Variants in TOLLIP observed in about 807,000 individuals in gnomAD.
TOLLIP encodes toll interacting protein, also known as toll-interacting protein.
A neutral mutation model predicts 33.5 loss-of-function variants in TOLLIP; 16 were observed. The observed-to-expected ratio is 0.48, with a 90% CI of 0.32 to 0.72. TOLLIP has a LOEUF of 0.72. TOLLIP is among the 30% of genes least tolerant of loss of function. The pLI is 0.03. For synonymous variants in TOLLIP, 176 were observed against 163.7 expected, an observed-to-expected ratio of 1.07 and a Z score of -0.57; for missense variants, 325 against 396.6, an observed-to-expected ratio of 0.82 and a Z score of 1.53.
intron 5 of TOLLIP, chr11:1,283,194 C>T (rs1863561871): frequency 9.9e-6 from 2 of 202,348 alleles, no homozygotes; most frequent in African/African-American, 2.3e-5. Flanking sequence ...GGGTAAAATG[C>T]GGGGGCCCTG....
chr11:1,293,592 C>G (rs962978230), intron 2 of TOLLIP, among the ~76,000 whole-genome samples: 2 of 152,266 alleles, frequency 1.3e-5, no homozygotes, highest in Non-Finnish European at 2.9e-5. Context: ...ATGTTTCCCA[C>G]CACTGGAGCT....
chr11:1,281,938 GACTTCGCC>G (rs1863514171), intron 5 of TOLLIP, among the ~76,000 whole-genome samples: 1 of 152,260 alleles, frequency 6.6e-6, no homozygotes, highest in Admixed American at 6.5e-5. Flanking sequence ...GGTCTCCGCA[GACTTCGCC>G]CTTCAGCTGG....
intron 4 of TOLLIP, among the ~76,000 whole-genome samples, chr11:1,286,546 C>T (rs1040778506): frequency 1.3e-5 from 2 of 152,146 alleles, no homozygotes; most frequent in Non-Finnish European, 2.9e-5. Context: ...GAGTTCAAAA[C>T]TGTCAACTGC....
intron 5 of TOLLIP, among the ~76,000 whole-genome samples, chr11:1,279,190 G>T (rs934342005): frequency 6.6e-6 from 1 of 152,226 alleles, no homozygotes; most frequent in African/African-American, 2.4e-5. Flanking sequence ...GAGGGGATGT[G>T]GCGCCGACTG....
At position 1,274,895 on chromosome 11, in the gene TOLLIP, T is replaced by A. The variant is rs1416925174; in HGVS notation, c.*2144A>T. ...GGGAGGGTGGGGGTTGTGAACCAGC[T>A]AATTCTGGGGACCGCTCGGAGGGGC... is the stretch of plus-strand genomic sequence containing the variant. On this transcript the variant is annotated 3_prime_UTR_variant, in exon 6 of 6. Transcript: ENST00000317204. 3 of 152,254 alleles carry A rather than the reference T, an allele frequency of 2.0e-5. No homozygotes were observed. The highest frequency in any genetic ancestry group is 7.2e-5 in the African/African-American group (3 of 41,550). 9.4% of individuals were successfully genotyped at this position (152,254 alleles called of 1,614,324 possible). A position where few individuals can be genotyped will look rare whatever the true frequency, so the allele number is the denominator to read the frequency against.
At position 1,309,467 on chromosome 11, in the gene TOLLIP, G is replaced by A. The variant is rs1316668634; in HGVS notation, c.32C>T (p.Pro11Leu). Residue 11 changes from proline to leucine, a missense_variant and splice_region_variant, in exon 1 of 6, where the codon CCG (proline) becomes CTG (leucine). Coordinates refer to ENST00000317204, the MANE Select transcript of TOLLIP (RefSeq NM_019009.4). ...CCGACCCTCGCCCGGCTGCCTCACCGGCCCGCGCTGAGTGCTGACGGTGGT... is the reference window on the plus strand; with the variant it reads ...CCGACCCTCGCCCGGCTGCCTCACCAGCCCGCGCTGAGTGCTGACGGTGGT... Reference protein sequence around the residue: MATTVSTQRGPVYIGELPQDF... With the variant: MATTVSTQRGLVYIGELPQDF... 4 of 1,329,568 alleles carry A rather than the reference G, an allele frequency of 3.0e-6. No individual in the cohort carries two copies. Among genetic ancestry groups the A allele is most frequent in the Non-Finnish European group, 3.9e-6 (4 of 1,034,330 alleles). The allele number at this position is 1,329,568 out of a possible 1,614,324, so 82.4% of individuals were successfully genotyped here.
At chr11:1,302,867 C>A in intron 1 of TOLLIP, 1 of 878,586 alleles carries the variant, frequency 1.1e-6, no homozygotes, top group Non-Finnish European at 1.4e-6. Flanking sequence ...TCCCAGGAGC[C>A]CTCGCTGAGC....
At chr11:1,291,984 T>A (rs1416680282) in intron 2 of TOLLIP, 1 of 152,434 alleles carries the variant, frequency 6.6e-6, no homozygotes, top group Admixed American at 6.5e-5. Context: ...ACAAGTTCCC[T>A]CCTTTCACTT....
chr11:1,302,706 A>C, intron 1 of TOLLIP: 1 of 985,998 alleles, frequency 1.0e-6, no homozygotes, highest in Non-Finnish European at 1.2e-6. Flanking sequence ...GTCTCCTGGC[A>C]CTGGCATGTT....
intron 1 of TOLLIP, among the ~76,000 whole-genome samples, chr11:1,300,883 C>T (rs574489275): frequency 4.6e-5 from 7 of 152,360 alleles, no homozygotes; most frequent in Non-Finnish European, 1.0e-4. Flanking sequence ...CCTGCGGAGC[C>T]TTTTTAAACC....
At chr11:1,282,756 T>C (rs949755507) in intron 5 of TOLLIP, among the ~76,000 whole-genome samples, 20 of 151,696 alleles carry the variant, frequency 1.3e-4, no homozygotes, top group Admixed American at 7.2e-4. Context: ...GTTGTGCACA[T>C]GTACCCTAAA....
At chr11:1,280,302 C>T (rs912129917) in intron 5 of TOLLIP, among the ~76,000 whole-genome samples, 4 of 152,232 alleles carry the variant, frequency 2.6e-5, no homozygotes, top group Non-Finnish European at 4.4e-5. Flanking sequence ...ACGCCGGCTG[C>T]TCCCGTGCAT....
intron 1 of TOLLIP, among the ~76,000 whole-genome samples, chr11:1,296,122 C>T (rs1025272932): frequency 6.6e-6 from 1 of 152,232 alleles, no homozygotes; most frequent in Non-Finnish European, 1.5e-5. Flanking sequence ...ACCATGTGTG[C>T]CCACGGCTTC....
Position 1,290,541 on chromosome 11 carries a change from G to A in TOLLIP, c.184-132C>T, listed in dbSNP as rs1047007023. On this transcript the variant is annotated intron_variant, in intron 2 of 5. Coordinates refer to ENST00000317204, the MANE Select transcript of TOLLIP (RefSeq NM_019009.4). This position sits in a 1 kb window ranked among gnomAD's most constrained non-coding sequence, Gnocchi z 4.9. ...ACATAGACTACAGCCACTCAGAGTC[G>A]CCTGAACACGGCTGTGACCTGCTTC... The A allele has an allele frequency of 1.8e-5, 14 of 776,150 alleles. No individual in the cohort carries two copies. The highest frequency in any genetic ancestry group is 1.3e-4 in the East Asian group (5 of 37,122). The allele number at this position is 776,150 out of a possible 1,614,324, so 48.1% of individuals were successfully genotyped here.
Position 1,290,661 on chromosome 11 carries a change from C to T in TOLLIP, c.184-252G>A, listed in dbSNP as rs1033601799. On this transcript the variant is annotated intron_variant, in intron 2 of 5. Coordinates refer to ENST00000317204, the MANE Select transcript of TOLLIP (RefSeq NM_019009.4). This position sits in a 1 kb window ranked among gnomAD's most constrained non-coding sequence, Gnocchi z 4.9. ...CGTCCTTGACAGCAGAAACCTACGACGCTCACAGACACAGCTGAGGCCGCC... is the reference window on the plus strand; with the variant it reads ...CGTCCTTGACAGCAGAAACCTACGATGCTCACAGACACAGCTGAGGCCGCC... Among the ~76,000 whole-genome samples, 2 of 152,134 alleles carry T rather than the reference C, an allele frequency of 1.3e-5. No homozygotes were observed. Among genetic ancestry groups the T allele is most frequent in the Non-Finnish European group, 2.9e-5 (2 of 68,022 alleles).
intron 3 of TOLLIP, among the ~76,000 whole-genome samples, chr11:1,289,507 C>T (rs867123240): frequency 3.9e-5 from 6 of 152,246 alleles, no homozygotes; most frequent in Non-Finnish European, 8.8e-5. Flanking sequence ...CCTCAAGGGT[C>T]ACGACCATTC....
At chr11:1,292,569 G>A (rs928467311) in intron 2 of TOLLIP, among the ~76,000 whole-genome samples, 1 of 152,232 alleles carries the variant, frequency 6.6e-6, no homozygotes. Flanking sequence ...CAACTGCTCT[G>A]CTGAAGTGAC....
At chr11:1,285,091 C>T (rs920783536) in intron 5 of TOLLIP, among the ~76,000 whole-genome samples, 4 of 152,170 alleles carry the variant, frequency 2.6e-5, no homozygotes, top group African/African-American at 9.7e-5. Flanking sequence ...AACCCCAAAG[C>T]AGCCCCTGAG....
At chr11:1,295,442 T>G in intron 2 of TOLLIP, 1 of 579,422 alleles carries the variant, frequency 1.7e-6, no homozygotes, top group Admixed American at 3.2e-5. Flanking sequence ...ACTCATCACT[T>G]GAGTTATGTT....
Sources: allele counts gnomAD v4.1 joint callset (sites outside exome capture counted in the v4.1 genomes callset), GRCh38; gene constraint gnomAD v4.1.1; non-coding constraint Gnocchi (gnomAD v3.1); transcripts MANE v1.5; gene names NCBI Gene and HGNC (gene_info 2026-07-23, HGNC 2026-07-21).